Variants in GALNT13 observed in about 807,000 individuals in gnomAD.
GALNT13 encodes the protein polypeptide N-acetylgalactosaminyltransferase 13, also known as UDP-GalNAc:polypeptide N-acetylgalactosaminyltransferase 13.
In GALNT13, 28 loss-of-function variants were observed where a neutral mutation model predicts 64.2. That is an observed-to-expected ratio of 0.44 (90% CI 0.32 to 0.60). The LOEUF is 0.60. Among genes scored for constraint, GALNT13 ranks in the 20% least tolerant of loss-of-function variants. The pLI, the probability that GALNT13 is intolerant of heterozygous loss-of-function variation, is 0.05. For synonymous variants in GALNT13, 214 were observed against 224.6 expected (o/e 0.95, Z 0.42); for missense variants, 577 against 669.8 (o/e 0.86, Z 1.53).
chr2:153,987,369 G>A (rs920971254), intron 3 of GALNT13, among the ~76,000 whole-genome samples: 5 of 151,838 alleles, frequency 3.3e-5, no homozygotes, highest in Non-Finnish European at 7.4e-5. Flanking sequence ...CTGGGCTTAA[G>A]GGAGAGGGGC....
chr2:153,310,212 A>G, the GALNT13 span, among the ~76,000 whole-genome samples: 2 of 152,214 alleles, frequency 1.3e-5, no homozygotes, highest in Admixed American at 1.3e-4. Context: ...AAAATCATGC[A>G]TGAATGATAA....
the GALNT13 span, among the ~76,000 whole-genome samples, chr2:153,175,236 T>C: frequency 6.6e-6 from 1 of 152,304 alleles, no homozygotes. Context: ...AGTTATACTC[T>C]TGGTCTTTCA....
At chr2:153,584,052 G>A in the GALNT13 span, among the ~76,000 whole-genome samples, 1 of 152,172 alleles carries the variant, frequency 6.6e-6, no homozygotes, top group African/African-American at 2.4e-5. Flanking sequence ...TGACAGCTGG[G>A]GTAGGGGAGG....
At chr2:154,417,661 G>A (rs913334372) in intron 11 of GALNT13, among the ~76,000 whole-genome samples, 12 of 151,502 alleles carry the variant, frequency 7.9e-5, no homozygotes, top group African/African-American at 2.2e-4. Context: ...ACAGGAACCC[G>A]CAACCATACC....
chr2:154,125,165 G>A (rs977919172), intron 3 of GALNT13, among the ~76,000 whole-genome samples: 2 of 152,118 alleles, frequency 1.3e-5, no homozygotes, highest in Admixed American at 1.3e-4. Flanking sequence ...TAGCACATGA[G>A]CACAGCATAA....
chr2:154,248,665 A>G (rs570741233), intron 7 of GALNT13, among the ~76,000 whole-genome samples: 1 of 152,114 alleles, frequency 6.6e-6, no homozygotes, highest in Non-Finnish European at 1.5e-5. Flanking sequence ...ATCTACTAAT[A>G]AGTCAGAAGA....
At chr2:153,133,068 G>A in the GALNT13 span, among the ~76,000 whole-genome samples, 6 of 146,242 alleles carry the variant, frequency 4.1e-5, no homozygotes, top group South Asian at 4.3e-4. Flanking sequence ...TTTTTGAAAC[G>A]AGAGCGTGTT....
the GALNT13 span, among the ~76,000 whole-genome samples, chr2:153,560,860 T>C: frequency 6.6e-6 from 1 of 152,118 alleles, no homozygotes; most frequent in South Asian, 2.1e-4. Flanking sequence ...AAGAACATTA[T>C]GGAATTTTAT....
At chr2:154,240,422 G>A (rs1030953729) in intron 4 of GALNT13, among the ~76,000 whole-genome samples, 2 of 152,122 alleles carry the variant, frequency 1.3e-5, no homozygotes, top group Admixed American at 6.5e-5. Context: ...AAATCATCTG[G>A]GAGCTTTTCG....
At chr2:153,571,317 CT>C in the GALNT13 span, among the ~76,000 whole-genome samples, 2 of 151,940 alleles carry the variant, frequency 1.3e-5, no homozygotes, top group Non-Finnish European at 2.9e-5. Context: ...TATCCTGCAA[CT>C]TTAATAAATT....
At chr2:154,015,266 T>C (rs1323017541) in intron 3 of GALNT13, among the ~76,000 whole-genome samples, 1 of 152,238 alleles carries the variant, frequency 6.6e-6, no homozygotes, top group Non-Finnish European at 1.5e-5. Flanking sequence ...ATTTAGTGAA[T>C]TTATTTTAAG....
intron 4 of GALNT13, among the ~76,000 whole-genome samples, chr2:154,225,746 T>C (rs1465392703): frequency 1.3e-5 from 2 of 152,076 alleles, no homozygotes; most frequent in African/African-American, 4.8e-5. Context: ...GGGAAGTTTG[T>C]CCATTTTTAT....
the GALNT13 span, among the ~76,000 whole-genome samples, chr2:153,668,489 A>G: frequency 2.6e-5 from 4 of 152,184 alleles, no homozygotes; most frequent in Non-Finnish European, 5.9e-5. Flanking sequence ...AACTAGATGC[A>G]GCTAGGAGGA....
Position 153,922,022 on chromosome 2 carries a change from G to GA in GALNT13, c.-105+21022dup, listed in dbSNP as rs1225994403. 3.9e-5 allele frequency among the ~76,000 whole-genome samples: 6 copies of GA among 152,120 alleles called. No individual in the cohort carries two copies. In the East Asian group the frequency reaches 9.7e-4, roughly 25 times the overall value. ...TAACCAGGAATTAAAATGACATATA[G>GA]AAAAAAATCCATGTATCGGTTAGTG... On this transcript the variant is annotated intron_variant, in intron 2 of 12. Transcript: ENST00000392825.
chr2:154,378,211 C>T (rs915656888), intron 9 of GALNT13, among the ~76,000 whole-genome samples: 2 of 152,004 alleles, frequency 1.3e-5, no homozygotes, highest in South Asian at 2.1e-4. Flanking sequence ...TCACTGGGAT[C>T]GCAGGAGGAG....
At chr2:153,921,914 AG>A (rs1408077244) in intron 2 of GALNT13, among the ~76,000 whole-genome samples, 1 of 152,206 alleles carries the variant, frequency 6.6e-6, no homozygotes, top group African/African-American at 2.4e-5. Flanking sequence ...GAATAAAAAA[AG>A]GATATTAGAA....
the GALNT13 span, among the ~76,000 whole-genome samples, chr2:153,801,738 T>C: frequency 6.6e-6 from 1 of 152,144 alleles, no homozygotes; most frequent in Admixed American, 6.5e-5. Flanking sequence ...TTGGTGCCAA[T>C]AGGCTTGTTG....
intron 9 of GALNT13, among the ~76,000 whole-genome samples, chr2:154,306,919 G>A (rs567685602): frequency 5.7e-4 from 87 of 152,162 alleles, no homozygotes; most frequent in African/African-American, 2.1e-3. Context: ...TCATCTTGTG[G>A]CTAATTTGTT....
the GALNT13 span, among the ~76,000 whole-genome samples, chr2:153,543,954 G>A: frequency 3.9e-5 from 6 of 152,102 alleles, no homozygotes; most frequent in African/African-American, 1.2e-4. Flanking sequence ...TTTATGTGCC[G>A]TTTATAAAGG....
Sources: allele counts gnomAD v4.1 joint callset (sites outside exome capture counted in the v4.1 genomes callset), GRCh38; gene constraint gnomAD v4.1.1; transcripts MANE v1.5; gene names NCBI Gene and HGNC (gene_info 2026-07-23, HGNC 2026-07-21).